TIAM1: variants seen among roughly 807,000 people sequenced by gnomAD.
TIAM1 encodes rho guanine nucleotide exchange factor TIAM1.
A neutral mutation model predicts 163.5 loss-of-function variants in TIAM1; 65 were observed. The observed-to-expected ratio is 0.40, with a 90% confidence interval of 0.33 to 0.49. The LOEUF (loss-of-function observed/expected upper bound fraction) is 0.49, where lower values mean the gene tolerates loss of function less well. Ranked by LOEUF, TIAM1 falls within the 20% of genes least tolerant of loss-of-function variation. The pLI is 0.77. For missense variants in TIAM1, 1,789 were observed against 2,044.7 expected (o/e 0.87, Z 2.41); for synonymous variants, 833 against 810.1 (o/e 1.03, Z -0.48).
chr21:31,241,232 A>T (rs1339159653), intron 6 of TIAM1, among the ~76,000 whole-genome samples: 1 of 152,072 alleles, frequency 6.6e-6, no homozygotes, highest in Middle Eastern at 3.2e-3. Context: ...TAGTGAATTG[A>T]CTAATACAGT....
At chr21:31,125,782 C>T (rs1200239605) in intron 26 of TIAM1, among the ~76,000 whole-genome samples, 1 of 152,184 alleles carries the variant, frequency 6.6e-6, no homozygotes, top group Non-Finnish European at 1.5e-5. Context: ...GCCATGTTGG[C>T]CAGGCTGGCC....
intron 1 of TIAM1, among the ~76,000 whole-genome samples, chr21:31,544,031 G>A (rs906539954): frequency 2.0e-5 from 3 of 151,934 alleles, no homozygotes; most frequent in Admixed American, 6.6e-5. Context: ...CGAACACAGC[G>A]AAAACCCATC....
intron 2 of TIAM1, among the ~76,000 whole-genome samples, chr21:31,430,549 G>GA (rs143573348): frequency 0.049 from 7,460 of 151,994 alleles, 612 homozygotes; most frequent in African/African-American, 0.17. Context: ...GACAAAGGGG[G>GA]AAAAAAGATG....
chr21:31,210,260 T>C, intron 10 of TIAM1, 45 bp from the exon 11 acceptor site: 10 of 1,594,714 alleles, frequency 6.3e-6, no homozygotes, highest in Non-Finnish European at 8.6e-6. Flanking sequence ...AGTGGAGCTC[T>C]GACAACCCTA....
rs181833892 is a variant in TIAM1, at chr21:31,333,007, G to A, written c.-189+6236C>T. 8.7e-4 allele frequency among the ~76,000 whole-genome samples: 132 copies of A among 152,314 alleles called. 4 individuals are homozygous for A. The East Asian group carries it at 0.024, about 28-fold the overall frequency. ...CCAGCCACTCAGGAGGCTGAGGCAG[G>A]AGGATTGCTTGAGGTCAGGATTTCA... is the stretch of plus-strand genomic sequence containing the variant. On this transcript the variant is annotated intron_variant, in intron 2 of 27. Transcript: ENST00000541036.
chr21:31,449,670 GC>G (rs1329380809), intron 2 of TIAM1, among the ~76,000 whole-genome samples: 1 of 152,110 alleles, frequency 6.6e-6, no homozygotes, highest in African/African-American at 2.4e-5. Flanking sequence ...GAGCCACTGC[GC>G]CTGGTCTGTT....
At chr21:31,261,772 T>G (rs889570610) in intron 4 of TIAM1, among the ~76,000 whole-genome samples, 1 of 152,154 alleles carries the variant, frequency 6.6e-6, no homozygotes, top group Non-Finnish European at 1.5e-5. Context: ...AATCTCTTTA[T>G]TTTCTAGGGA....
chr21:31,227,546 G>A (rs2088059157), intron 6 of TIAM1, among the ~76,000 whole-genome samples: 1 of 152,160 alleles, frequency 6.6e-6, no homozygotes, highest in Admixed American at 6.5e-5. Flanking sequence ...AACAGCAGAA[G>A]TACCACCTGA....
intron 9 of TIAM1, among the ~76,000 whole-genome samples, chr21:31,214,150 C>A (rs1601580166): frequency 1.3e-5 from 2 of 152,014 alleles, no homozygotes; most frequent in East Asian, 3.9e-4. Context: ...CAGAGTGAGA[C>A]CCTGTCTCTA....
chr21:31,554,005 AGGATTGAT>A (rs1201790358), intron 1 of TIAM1, among the ~76,000 whole-genome samples: 5 of 152,246 alleles, frequency 3.3e-5, no homozygotes, highest in South Asian at 2.1e-4. Context: ...AGCAGGAACT[AGGATTGAT>A]GGATTGACCT....
chr21:31,120,218 T>G lies in TIAM1; in HGVS notation c.*150A>C. 2 of 676,914 alleles carry G rather than the reference T, an allele frequency of 3.0e-6. No individual in the cohort carries two copies. The highest frequency in any genetic ancestry group is 2.3e-5 in the South Asian group (1 of 43,714). The allele number at this position is 676,914 out of a possible 1,614,324, so 41.9% of individuals were successfully genotyped here. A position where few individuals can be genotyped will look rare whatever the true frequency, so the allele number is the denominator to read the frequency against. Reference sequence around the variant, plus strand: ...TGTTGTTGAAAATGACAAAGTTGGGTGGCTACATGGCTTCAGAACCAAGTC... The same window carrying G: ...TGTTGTTGAAAATGACAAAGTTGGGGGGCTACATGGCTTCAGAACCAAGTC... On this transcript the variant is annotated 3_prime_UTR_variant, in exon 28 of 28. Transcript: ENST00000541036. This position sits in a 1 kb window ranked among gnomAD's most constrained non-coding sequence, Gnocchi z 4.2.
rs971316695 is a variant in TIAM1, at chr21:31,215,587, A to G, written c.2142+1966T>C. Among the ~76,000 whole-genome samples the G allele has an allele frequency of 6.1e-4, 93 of 151,576 alleles. No individual in the cohort carries two copies. The South Asian group carries it at 6.7e-3, about 11-fold the overall frequency. On this transcript the variant is annotated intron_variant, in intron 9 of 27. Coordinates refer to ENST00000541036, the MANE Select transcript of TIAM1 (RefSeq NM_001353694.2). ...AAAAAAGAAAAAAAAAAAAAAAAAA[A>G]AAGAAGAGAAATGCTGATGGTTCAT...
chr21:31,189,685 C>G (rs1023061445), intron 13 of TIAM1, among the ~76,000 whole-genome samples: 1 of 152,140 alleles, frequency 6.6e-6, no homozygotes, highest in South Asian at 2.1e-4. Flanking sequence ...TTTCACTGTT[C>G]CAGGTAGGCA....
chr21:31,538,591 C>A (rs1191480423), intron 1 of TIAM1, among the ~76,000 whole-genome samples: 1 of 152,162 alleles, frequency 6.6e-6, no homozygotes, highest in Non-Finnish European at 1.5e-5. Flanking sequence ...CCTGAGGACG[C>A]CCAGAATTCC....
chr21:31,368,483 A>G (rs1015594483), intron 2 of TIAM1, among the ~76,000 whole-genome samples: 17 of 152,320 alleles, frequency 1.1e-4, no homozygotes, highest in African/African-American at 4.1e-4. Context: ...AAATATCCCA[A>G]TCCAAAATTA....
chr21:31,124,745 G>A lies in TIAM1; in HGVS notation c.4134-51C>T, dbSNP rs113247967. 3.4e-6 allele frequency: 5 copies of A among 1,468,328 alleles called. No individual in the cohort carries two copies. The South Asian group carries it at 4.3e-5, about 13-fold the overall frequency. The allele number at this position is 1,468,328 out of a possible 1,614,324, so 91.0% of individuals were successfully genotyped here. On this transcript the variant is annotated intron_variant, in intron 26 of 27. Coordinates refer to ENST00000541036, the MANE Select transcript of TIAM1 (RefSeq NM_001353694.2). ...TAGAGAATCAGGGCTTAACACATGGGGAACTTCTAAGGTTATCAGGTGCAA... is the reference window on the plus strand; with the variant it reads ...TAGAGAATCAGGGCTTAACACATGGAGAACTTCTAAGGTTATCAGGTGCAA...
chr21:31,384,290 G>A (rs1399991291), intron 2 of TIAM1, among the ~76,000 whole-genome samples: 3 of 151,722 alleles, frequency 2.0e-5, no homozygotes, highest in South Asian at 2.1e-4. Context: ...AAAGATCAAG[G>A]GGGAAGATAC....
intron 1 of TIAM1, among the ~76,000 whole-genome samples, chr21:31,526,764 T>C (rs2047800545): frequency 6.6e-6 from 1 of 152,178 alleles, no homozygotes; most frequent in Admixed American, 6.5e-5. Flanking sequence ...TAGAGGGGCA[T>C]GATCTCAGCT....
intron 2 of TIAM1, among the ~76,000 whole-genome samples, chr21:31,318,086 C>T (rs894867662): frequency 6.6e-6 from 1 of 152,106 alleles, no homozygotes; most frequent in African/African-American, 2.4e-5. Flanking sequence ...CAGGTCTTTG[C>T]AGAAAGAGGA....
Sources: gnomAD v4.1 joint callset for allele counts (sites outside exome capture counted in the v4.1 genomes callset) on GRCh38, gnomAD v4.1.1 for gene constraint, Gnocchi (gnomAD v3.1) non-coding constraint, MANE v1.5 for transcripts, NCBI Gene and HGNC (gene_info 2026-07-23, HGNC 2026-07-21) for gene names.